Variants in RYR3 observed in about 807,000 individuals in gnomAD.
The protein encoded by RYR3 is brain ryanodine receptor-calcium release channel.
In RYR3, 207 loss-of-function variants were observed where a neutral mutation model predicts 584.3. That is an observed-to-expected ratio of 0.35 (90% CI 0.32 to 0.40). The LOEUF is 0.40. Among genes scored for constraint, RYR3 ranks in the 10% least tolerant of loss-of-function variants. The pLI, the probability that RYR3 is intolerant of heterozygous loss-of-function variation, is 1.00. For synonymous variants in RYR3, 2,416 were observed against 2,248.5 expected, an observed-to-expected ratio of 1.07 and a Z score of -2.11; for missense variants, 5,616 against 6,089.2, an observed-to-expected ratio of 0.92 and a Z score of 2.59.
At chr15:33,429,472 T>C (rs1165037418) in intron 1 of RYR3, among the ~76,000 whole-genome samples, 1 of 152,230 alleles carries the variant, frequency 6.6e-6, no homozygotes, top group African/African-American at 2.4e-5. Context: ...TCCTCTTTCT[T>C]TCTCTGGGCT....
chr15:33,800,718 A>AT, intron 67 of RYR3, 52 bp from the exon 68 acceptor site: 1 of 1,307,160 alleles, frequency 7.7e-7, no homozygotes, highest in Non-Finnish European at 1.1e-6. Context: ...GAGTGTGAAT[A>AT]TTTTAATCTC....
At chr15:33,733,912 TACAA>T (rs2069174401) in intron 48 of RYR3, among the ~76,000 whole-genome samples, 2 of 152,322 alleles carry the variant, frequency 1.3e-5, no homozygotes, top group South Asian at 4.2e-4. Context: ...TAAAGCCTGT[TACAA>T]AACAGTTTTA....
At chr15:33,421,979 T>G (rs576582365) in intron 1 of RYR3, among the ~76,000 whole-genome samples, 1 of 152,284 alleles carries the variant, frequency 6.6e-6, no homozygotes, top group South Asian at 2.1e-4. Flanking sequence ...TAGTATTGGG[T>G]GATTACTAAC....
chr15:33,455,761 A>C (rs1409107970), intron 1 of RYR3, among the ~76,000 whole-genome samples: 2 of 152,184 alleles, frequency 1.3e-5, no homozygotes, highest in Non-Finnish European at 2.9e-5. Context: ...GGAAGAAAAA[A>C]GTATTAGATA....
rs772124153 is a variant in RYR3 at position 33,838,462 on chromosome 15, C to A, written c.12482C>A (p.Thr4161Asn). 5.0e-6 allele frequency: 8 copies of A among 1,613,864 alleles called. No homozygotes were observed. Among genetic ancestry groups the A allele is most frequent in the African/African-American group, 1.3e-5 (1 of 74,916 alleles). Residue 4161 changes from threonine to asparagine, a missense_variant, in exon 89 of 104, where the codon ACC becomes AAC. Thr to Asn is a moderately conservative substitution (Grantham distance 65). This residue lies in a region of RYR3 where 918 missense variants were observed against 887.4 expected (regional missense o/e 1.03). Transcript: ENST00000634891. ...RNVTDFLKRA[T>N]LKNLRKQYRN... is the part of the protein sequence containing the mutation. ...GTCACCGACTTCCTGAAGAGAGCAA[C>A]CCTGAAGAACCTCAGGAAGCAGTAC...
chr15:33,481,063 A>G (rs2049917972), intron 2 of RYR3, among the ~76,000 whole-genome samples: 1 of 152,182 alleles, frequency 6.6e-6, no homozygotes, highest in Non-Finnish European at 1.5e-5. Flanking sequence ...TTTTGTCATT[A>G]TCAAATTGTC....
intron 1 of RYR3, among the ~76,000 whole-genome samples, chr15:33,375,343 A>T (rs1362989279): frequency 6.6e-6 from 1 of 152,184 alleles, no homozygotes; most frequent in Non-Finnish European, 1.5e-5. Flanking sequence ...AGAGATGTTG[A>T]TTGTTTAGAT....
chr15:33,706,191 C>A (rs967944563), intron 42 of RYR3, among the ~76,000 whole-genome samples: 1 of 151,796 alleles, frequency 6.6e-6, no homozygotes, highest in Non-Finnish European at 1.5e-5. Flanking sequence ...TTCTTACATA[C>A]GTGTAAGATT....
chr15:33,810,799 T>A, intron 71 of RYR3, 150 bp downstream of exon 71: 1 of 1,111,774 alleles, frequency 9.0e-7, no homozygotes, highest in Non-Finnish European at 1.3e-6. Flanking sequence ...CCCTCATCTT[T>A]AAAACTGGTT....
rs1890353066 is a variant in RYR3 at position 33,865,882 on chromosome 15, C to CTTGAAGGTTA, written c.*659_*668dup. On this transcript the variant is annotated 3_prime_UTR_variant, in exon 104 of 104. Coordinates refer to ENST00000634891, the MANE Select transcript of RYR3 (RefSeq NM_001036.6). ...TTCCGTCTTACTTTATGAAACTGCA[C>CTTGAAGGTTA]TTGAAGGTTATTCATACAAGTTTTT... 6.6e-6 allele frequency: 1 copy of CTTGAAGGTTA among 152,496 alleles called. No homozygotes were observed. The highest frequency in any genetic ancestry group is 1.5e-5 in the Non-Finnish European group (1 of 67,982). The allele number at this position is 152,496 out of a possible 1,614,324, so 9.4% of individuals were successfully genotyped here.
At chr15:33,806,920 A>ATTTTTTT (rs35069939) in intron 69 of RYR3, among the ~76,000 whole-genome samples, 2 of 141,432 alleles carry the variant, frequency 1.4e-5, no homozygotes, top group Non-Finnish European at 1.6e-5. Context: ...ACCCAGCTGA[A>ATTTTTTT]TTTTTTTTTT....
chr15:33,542,404 G>A (rs1027363804), intron 7 of RYR3, among the ~76,000 whole-genome samples: 3 of 151,916 alleles, frequency 2.0e-5, no homozygotes, highest in East Asian at 1.9e-4. Context: ...GGTCATGGAG[G>A]GCTTTAATTT....
intron 10 of RYR3, among the ~76,000 whole-genome samples, chr15:33,560,594 T>C (rs1595594598): frequency 6.6e-6 from 1 of 152,330 alleles, no homozygotes; most frequent in East Asian, 1.9e-4. Context: ...TTAACAGTTG[T>C]GGTGTGCATA....
At chr15:33,422,444 T>C (rs1046815964) in intron 1 of RYR3, among the ~76,000 whole-genome samples, 1 of 152,138 alleles carries the variant, frequency 6.6e-6, no homozygotes, top group Non-Finnish European at 1.5e-5. Flanking sequence ...AACAGTGTAG[T>C]AGAATACAGA....
chr15:33,855,283 C>T (rs1001080662), intron 98 of RYR3, among the ~76,000 whole-genome samples: 7 of 152,160 alleles, frequency 4.6e-5, no homozygotes, highest in South Asian at 4.2e-4. Flanking sequence ...CTGCAACCTC[C>T]GACTCCCAGG....
intron 1 of RYR3, among the ~76,000 whole-genome samples, chr15:33,365,207 G>T (rs1975322173): frequency 6.6e-6 from 1 of 152,160 alleles, no homozygotes; most frequent in African/African-American, 2.4e-5. Context: ...CCTCCTTGGG[G>T]GCCACAGTGT....
intron 38 of RYR3, among the ~76,000 whole-genome samples, chr15:33,684,249 C>T (rs1427695631): frequency 2.0e-5 from 3 of 152,190 alleles, no homozygotes; most frequent in African/African-American, 7.2e-5. Flanking sequence ...CAACACACAC[C>T]TCATATAGGC....
At chr15:33,563,416 A>G (rs1256340462) in intron 11 of RYR3, among the ~76,000 whole-genome samples, 4 of 152,238 alleles carry the variant, frequency 2.6e-5, no homozygotes, top group African/African-American at 9.6e-5. Flanking sequence ...TTGCATAATA[A>G]CAAGCCCGCA....
At chr15:33,821,677 G>C in intron 80 of RYR3, 75 bp downstream of exon 80, 1 of 1,425,258 alleles carries the variant, frequency 7.0e-7, no homozygotes, top group Non-Finnish European at 9.9e-7. Flanking sequence ...TCAGGGAAGA[G>C]GAGTTGACTG....
Sources: allele counts gnomAD v4.1 joint callset (sites outside exome capture counted in the v4.1 genomes callset), GRCh38; gene constraint gnomAD v4.1.1; regional missense constraint gnomAD v4.1.1; transcripts MANE v1.5; gene names NCBI Gene and HGNC (gene_info 2026-07-23, HGNC 2026-07-21).